The following GRIN2A variants were observed in gnomAD, a reference collection of about 807,000 sequenced individuals.
GRIN2A encodes the protein glutamate ionotropic receptor NMDA type subunit 2A.
Under a neutral mutation model 113.4 loss-of-function variants are expected in GRIN2A, and 22 were observed. The observed-to-expected ratio is 0.19, with a 90% CI of 0.14 to 0.28. The LOEUF (loss-of-function observed/expected upper bound fraction) is 0.28. Ranked by LOEUF, GRIN2A falls within the 10% of genes least tolerant of loss-of-function variation. The probability of loss-of-function intolerance (pLI) is 1.00; values close to 1 mark genes in which losing one functional copy is unlikely to be tolerated. For missense variants in GRIN2A, 1,502 were observed against 1,887.0 expected, an observed-to-expected ratio of 0.80 and a Z score of 3.78; for synonymous variants, 827 against 738.4, an observed-to-expected ratio of 1.12 and a Z score of -1.94.
intron 3 of GRIN2A, among the ~76,000 whole-genome samples, chr16:9,920,072 T>A (rs764830670): frequency 6.6e-6 from 1 of 152,242 alleles, no homozygotes; most frequent in Non-Finnish European, 1.5e-5. Flanking sequence ...TCATTTATTT[T>A]CTCTCTTCTC....
chr16:10,034,958 T>C (rs1490389417), intron 2 of GRIN2A, among the ~76,000 whole-genome samples: 1 of 152,218 alleles, frequency 6.6e-6, no homozygotes, highest in Non-Finnish European at 1.5e-5. Flanking sequence ...GCGGCCCCCA[T>C]TAAATATAAA....
chr16:10,063,961 G>C (rs907321336), intron 2 of GRIN2A, among the ~76,000 whole-genome samples: 1 of 152,130 alleles, frequency 6.6e-6, no homozygotes, highest in East Asian at 1.9e-4. Context: ...TTCCTAATTA[G>C]AGCCCTTCTA....
chr16:9,901,361 G>T (rs1422341344), intron 3 of GRIN2A, among the ~76,000 whole-genome samples: 2 of 152,186 alleles, frequency 1.3e-5, no homozygotes, highest in African/African-American at 4.8e-5. Flanking sequence ...AGAGAGGAAA[G>T]GTCGGGGGTG....
At chr16:9,978,214 G>C (rs114491355) in intron 2 of GRIN2A, among the ~76,000 whole-genome samples, 269 of 152,286 alleles carry the variant, frequency 1.8e-3, no homozygotes, top group African/African-American at 6.3e-3. Flanking sequence ...TGTGTGATTT[G>C]GTCTAGAAAG....
At chr16:10,039,374 TC>T (rs965606183) in intron 2 of GRIN2A, among the ~76,000 whole-genome samples, 15 of 152,198 alleles carry the variant, frequency 9.9e-5, no homozygotes, top group Admixed American at 2.0e-4. Flanking sequence ...CTGCTCTCTA[TC>T]CCCAGGGTCT....
intron 2 of GRIN2A, among the ~76,000 whole-genome samples, chr16:10,134,811 A>G (rs571374659): frequency 8.5e-5 from 13 of 152,250 alleles, no homozygotes; most frequent in Admixed American, 5.9e-4. Context: ...TCTTTCCTAG[A>G]TAATCCTAAT....
At chr16:9,959,674 G>C (rs12928240) in intron 2 of GRIN2A, among the ~76,000 whole-genome samples, 57,463 of 152,080 alleles carry the variant, frequency 0.38, 11,296 homozygotes, top group African/African-American at 0.48. Flanking sequence ...TTTTATTCGT[G>C]TACTAATTAA....
intron 2 of GRIN2A, among the ~76,000 whole-genome samples, chr16:10,127,341 G>A (rs1322528122): frequency 2.0e-5 from 3 of 152,108 alleles, no homozygotes; most frequent in Non-Finnish European, 4.4e-5. Context: ...AAAATGTGGA[G>A]CTCCTTACCA....
intron 2 of GRIN2A, among the ~76,000 whole-genome samples, chr16:9,948,371 A>C (rs2045074735): frequency 6.6e-6 from 1 of 152,166 alleles, no homozygotes; most frequent in South Asian, 2.1e-4. Flanking sequence ...GGGCATTGCA[A>C]GCAAGCTCCC....
chr16:9,841,218 A>T lies in GRIN2A; in HGVS notation c.1329-114T>A, dbSNP rs1339421388. The stretch of plus-strand genomic sequence containing the variant: ...TGAGTAAACTGAAGTTTAAAAGGGG[A>T]AGTGGCTTTCCCAAGGACACACTGT... On this transcript the variant is annotated intron_variant, in intron 5 of 12. Coordinates refer to ENST00000330684, the MANE Select transcript of GRIN2A (RefSeq NM_001134407.3). 15 of 891,244 alleles carry T rather than the reference A, an allele frequency of 1.7e-5. No homozygotes were observed. In the East Asian group the frequency reaches 3.6e-4, roughly 21 times the overall value. The allele number at this position is 891,244 out of a possible 1,614,324, so 55.2% of individuals were successfully genotyped here. A position where few individuals can be genotyped will look rare whatever the true frequency, so the allele number is the denominator to read the frequency against.
chr16:10,124,812 T>C (rs1012622307), intron 2 of GRIN2A, among the ~76,000 whole-genome samples: 1 of 152,126 alleles, frequency 6.6e-6, no homozygotes. Context: ...CAAGTTAAAG[T>C]TGTGGTACAG....
chr16:9,974,272 G>T (rs918056570), intron 2 of GRIN2A, among the ~76,000 whole-genome samples: 2 of 152,134 alleles, frequency 1.3e-5, no homozygotes. Flanking sequence ...CAAAACCAAG[G>T]AACCAGACCC....
intron 2 of GRIN2A, among the ~76,000 whole-genome samples, chr16:9,999,580 T>TG (rs2046286119): frequency 6.6e-6 from 1 of 151,700 alleles, no homozygotes; most frequent in Admixed American, 6.6e-5. Context: ...CATCACACAC[T>TG]GGGCCTGTCA....
chr16:10,046,921 C>T (rs1596459698), intron 2 of GRIN2A, among the ~76,000 whole-genome samples: 1 of 152,164 alleles, frequency 6.6e-6, no homozygotes, highest in Admixed American at 6.5e-5. Flanking sequence ...ATCAGTTGCT[C>T]TACCTTAGTG....
At chr16:9,968,689 C>T (rs912342007) in intron 2 of GRIN2A, among the ~76,000 whole-genome samples, 1 of 152,084 alleles carries the variant, frequency 6.6e-6, no homozygotes, top group Non-Finnish European at 1.5e-5. Flanking sequence ...CTCACTGCAA[C>T]CCCTGACTCC....
intron 4 of GRIN2A, among the ~76,000 whole-genome samples, chr16:9,886,418 C>A (rs936402100): frequency 7.9e-5 from 12 of 152,132 alleles, no homozygotes; most frequent in African/African-American, 2.9e-4. Context: ...TGAAGGAACC[C>A]AGTATATACA....
At chr16:10,072,712 A>G (rs2047779837) in intron 2 of GRIN2A, among the ~76,000 whole-genome samples, 1 of 152,180 alleles carries the variant, frequency 6.6e-6, no homozygotes, top group Non-Finnish European at 1.5e-5. Flanking sequence ...CTGCTTAAAC[A>G]TGTGCATCCT....
chr16:10,137,121 G>A (rs1219496514), intron 2 of GRIN2A, among the ~76,000 whole-genome samples: 1 of 152,010 alleles, frequency 6.6e-6, no homozygotes, highest in African/African-American at 2.4e-5. Flanking sequence ...CCTGCAGGTG[G>A]GCTAAACCTG....
In GRIN2A at chr16:9,970,194, G is replaced by C. The variant is rs183526150; in HGVS notation, c.415-31643C>G. Among the ~76,000 whole-genome samples the C allele has an allele frequency of 3.0e-4, 45 of 152,280 alleles. No homozygotes were observed. The East Asian group carries it at 8.5e-3, about 29-fold the overall frequency. On this transcript the variant is annotated intron_variant, in intron 2 of 12. Transcript: ENST00000330684. Reference sequence around the variant, plus strand: ...CAGGATACAACCTGCTAGGCCTCCAGGTGAATAATTTAACTTGTTTTCTCT... The same window carrying C: ...CAGGATACAACCTGCTAGGCCTCCACGTGAATAATTTAACTTGTTTTCTCT...
Sources: gnomAD v4.1 joint callset for allele counts (sites outside exome capture counted in the v4.1 genomes callset) on GRCh38, gnomAD v4.1.1 for gene constraint, MANE v1.5 for transcripts, NCBI Gene and HGNC (gene_info 2026-07-23, HGNC 2026-07-21) for gene names.